ROBO2: variants seen among roughly 807,000 people sequenced by gnomAD.
The protein encoded by ROBO2 is roundabout homolog 2.
A neutral mutation model predicts 160.8 loss-of-function variants in ROBO2; 53 were observed. The ratio of observed to expected loss-of-function variants is 0.33; its 90% confidence interval spans 0.26 to 0.41. The LOEUF (loss-of-function observed/expected upper bound fraction) is 0.41. ROBO2 is among the 10% of genes least tolerant of loss of function. The pLI, the probability that ROBO2 is intolerant of heterozygous loss-of-function variation, is 1.00. For missense variants in ROBO2, 1,577 were observed against 1,722.4 expected, an observed-to-expected ratio of 0.92 and a Z score of 1.49; for synonymous variants, 664 against 611.7, an observed-to-expected ratio of 1.09 and a Z score of -1.26.
intron 2 of ROBO2, among the ~76,000 whole-genome samples, chr3:75,979,570 A>G (rs977661140): frequency 6.6e-6 from 1 of 151,456 alleles, no homozygotes; most frequent in Non-Finnish European, 1.5e-5. Context: ...CTGGCACATA[A>G]TTTTTAGAGT....
In ROBO2 at chr3:76,390,242, A is replaced by G. The variant is rs190879334; in HGVS notation, c.109+452640A>G. ...CATTTGAATCAAATACAGAAACACTATCATCATAAAATCTCACATTGTTTT... is the reference window on the plus strand; with the variant it reads ...CATTTGAATCAAATACAGAAACACTGTCATCATAAAATCTCACATTGTTTT... On this transcript the variant is annotated intron_variant, in intron 2 of 26. Coordinates refer to the ROBO2 transcript ENST00000487694. Among the ~76,000 whole-genome samples, 121 of 152,300 alleles carry G rather than the reference A, an allele frequency of 7.9e-4. 1 individual carries two copies. Among genetic ancestry groups the G allele is most frequent in the Non-Finnish European group, 1.3e-3 (87 of 67,996 alleles).
chr3:77,609,519 A>G (rs1355751471), intron 21 of ROBO2, among the ~76,000 whole-genome samples: 1 of 151,984 alleles, frequency 6.6e-6, no homozygotes, highest in Non-Finnish European at 1.5e-5. Context: ...TATCACATGA[A>G]AACTGTGGAT....
intron 22 of ROBO2, among the ~76,000 whole-genome samples, chr3:77,620,336 A>G (rs1275047133): frequency 3.9e-5 from 6 of 152,188 alleles, no homozygotes; most frequent in Admixed American, 6.5e-5. Flanking sequence ...TCACTAGAAG[A>G]TATTTATAAA....
chr3:77,595,371 T>C (rs1355875292), intron 18 of ROBO2, among the ~76,000 whole-genome samples, 187 bp downstream of exon 19: 25 of 152,186 alleles, frequency 1.6e-4, no homozygotes, highest in Admixed American at 1.6e-3. Flanking sequence ...CAAGTCCAGA[T>C]GTTTCATAAC....
intron 2 of ROBO2, among the ~76,000 whole-genome samples, chr3:77,268,131 G>GAA (rs1276273480): frequency 6.6e-6 from 1 of 152,108 alleles, no homozygotes; most frequent in African/African-American, 2.4e-5. Flanking sequence ...TATAATTACA[G>GAA]CTTACTGTTA....
intron 2 of ROBO2, among the ~76,000 whole-genome samples, chr3:77,023,090 G>C (rs1445113166): frequency 6.6e-6 from 1 of 152,110 alleles, no homozygotes; most frequent in Non-Finnish European, 1.5e-5. Flanking sequence ...GTGTCTCCCA[G>C]AATTCCCACA....
intron 2 of ROBO2, among the ~76,000 whole-genome samples, chr3:76,861,162 T>C (rs1002467095): frequency 6.6e-6 from 1 of 152,200 alleles, no homozygotes; most frequent in African/African-American, 2.4e-5. Context: ...TCATAAGCCT[T>C]GAACTCCTTC....
intron 2 of ROBO2, among the ~76,000 whole-genome samples, chr3:76,711,224 C>T (rs926207268): frequency 1.3e-5 from 2 of 152,114 alleles, no homozygotes; most frequent in African/African-American, 4.8e-5. Context: ...AACTTATAAC[C>T]ATTGTGGAAA....
intron 2 of ROBO2, among the ~76,000 whole-genome samples, chr3:76,677,901 A>T (rs890430550): frequency 6.8e-6 from 1 of 147,328 alleles, no homozygotes; most frequent in East Asian, 2.0e-4. Context: ...TTATATGTTC[A>T]TGACTTTTAT....
intron 2 of ROBO2, among the ~76,000 whole-genome samples, chr3:76,079,523 G>A (rs1323523833): frequency 2.8e-5 from 4 of 140,954 alleles, no homozygotes; most frequent in Non-Finnish European, 4.5e-5. Flanking sequence ...TCGCTCTGTC[G>A]CCCAAGCTGG....
chr3:76,200,692 A>C (rs1192406143), intron 2 of ROBO2, among the ~76,000 whole-genome samples: 1 of 152,168 alleles, frequency 6.6e-6, no homozygotes, highest in Non-Finnish European at 1.5e-5. Flanking sequence ...CCACATACAG[A>C]CTAGCACTTT....
At chr3:76,329,960 G>A (rs2073355720) in intron 2 of ROBO2, among the ~76,000 whole-genome samples, 1 of 152,138 alleles carries the variant, frequency 6.6e-6, no homozygotes, top group Non-Finnish European at 1.5e-5. Context: ...TCAGGAATTT[G>A]ATTCATAATG....
At chr3:76,994,382 T>C (rs1273771323) in intron 2 of ROBO2, among the ~76,000 whole-genome samples, 3 of 105,172 alleles carry the variant, frequency 2.9e-5, no homozygotes, top group Non-Finnish European at 5.7e-5. Context: ...ATACAAACTT[T>C]AAACTTTTTA....
At chr3:77,185,445 G>A (rs77353126) in intron 2 of ROBO2, among the ~76,000 whole-genome samples, 11,420 of 151,894 alleles carry the variant, frequency 0.075, 492 homozygotes, top group African/African-American at 0.11. Flanking sequence ...ACATCAAAAC[G>A]TCAGTAACAA....
chr3:77,607,479 G>A (rs529210749), intron 20 of ROBO2, among the ~76,000 whole-genome samples: 1 of 152,062 alleles, frequency 6.6e-6, no homozygotes, highest in Non-Finnish European at 1.5e-5. Flanking sequence ...AAAAGAATTT[G>A]TTATGGCCCA....
chr3:77,252,377 C>G (rs1019880706), intron 2 of ROBO2, among the ~76,000 whole-genome samples: 1 of 152,024 alleles, frequency 6.6e-6, no homozygotes, highest in East Asian at 1.9e-4. Flanking sequence ...GAGAAGAGAC[C>G]ACTCTTTTTT....
intron 2 of ROBO2, among the ~76,000 whole-genome samples, chr3:77,015,568 T>C (rs2062187775): frequency 6.6e-6 from 1 of 152,190 alleles, no homozygotes; most frequent in East Asian, 1.9e-4. Flanking sequence ...TTGGGTAGCA[T>C]CATAAAAAAT....
chr3:76,713,497 G>A (rs1489468025), intron 2 of ROBO2, among the ~76,000 whole-genome samples: 11 of 151,970 alleles, frequency 7.2e-5, no homozygotes, highest in Admixed American at 7.2e-4. Context: ...GAACTGTATT[G>A]GATGTAGTTT....
chr3:76,294,954 G>A (rs1194714039), intron 2 of ROBO2, among the ~76,000 whole-genome samples: 3 of 152,204 alleles, frequency 2.0e-5, no homozygotes, highest in Non-Finnish European at 4.4e-5. Flanking sequence ...CAGGTAAGAT[G>A]TTCCAGCCCT....
Sources: gnomAD v4.1 joint callset for allele counts (sites outside exome capture counted in the v4.1 genomes callset) on GRCh38, gnomAD v4.1.1 for gene constraint, MANE v1.5 for transcripts, NCBI Gene and HGNC (gene_info 2026-07-23, HGNC 2026-07-21) for gene names.